Variants in RPTOR observed in about 807,000 individuals in gnomAD.
RPTOR encodes the protein regulatory associated protein of MTOR complex 1, also known as regulatory-associated protein of mTOR.
Under a neutral mutation model 169.9 loss-of-function variants are expected in RPTOR, and 21 were observed. The ratio of observed to expected loss-of-function variants is 0.12; its 90% CI spans 0.09 to 0.18. The LOEUF (loss-of-function observed/expected upper bound fraction) is 0.18. Among genes scored for constraint, RPTOR ranks in the 10% least tolerant of loss-of-function variants. The pLI is 1.00. For synonymous variants in RPTOR, 732 were observed against 753.2 expected (o/e 0.97, Z 0.46); for missense variants, 1,133 against 1,855.9 (o/e 0.61, Z 7.16).
chr17:80,607,925 G>A (rs2065240498), intron 1 of RPTOR, among the ~76,000 whole-genome samples: 1 of 152,184 alleles, frequency 6.6e-6, no homozygotes, highest in South Asian at 2.1e-4. Flanking sequence ...TATGGTTAGA[G>A]GAATTTTGTG....
intron 21 of RPTOR, among the ~76,000 whole-genome samples, chr17:80,919,563 C>A (rs772273861): frequency 2.0e-4 from 30 of 152,198 alleles, no homozygotes; most frequent in Non-Finnish European, 4.1e-4. Context: ...TTGGATCAGA[C>A]GCCCCCGTGT....
At position 80,708,579 on chromosome 17, in the gene RPTOR, GCTGA is replaced by G. The variant is rs2066159050; in HGVS notation, c.507+584_507+587del. 1.3e-5 allele frequency among the ~76,000 whole-genome samples: 2 copies of G among 150,868 alleles called. No homozygotes were observed. The highest frequency in any genetic ancestry group is 4.2e-4 in the South Asian group (2 of 4,808). On this transcript the variant is annotated intron_variant, in intron 4 of 33. Coordinates refer to ENST00000306801, the MANE Select transcript of RPTOR (RefSeq NM_020761.3). The surrounding 1 kb of genome is among the most constrained non-coding windows in gnomAD (Gnocchi z 4.2). ...CCCCATCCTCCAGGGTGTGGTGGGT[GCTGA>G]CTGTTGTCCCCACCCTCCAGGGTGT...
At chr17:80,832,919 A>G (rs2067521840) in intron 9 of RPTOR, among the ~76,000 whole-genome samples, 1 of 152,228 alleles carries the variant, frequency 6.6e-6, no homozygotes, top group Non-Finnish European at 1.5e-5. Context: ...ACAAACATTG[A>G]GGTTAAAACA....
At chr17:80,743,785 C>CTCT (rs2066515287) in intron 5 of RPTOR, among the ~76,000 whole-genome samples, 5 of 66,610 alleles carry the variant, frequency 7.5e-5, no homozygotes, top group Admixed American at 3.7e-4. Context: ...ACTAGCAGAG[C>CTCT]CCTGGCTACT....
intron 5 of RPTOR, among the ~76,000 whole-genome samples, chr17:80,733,263 A>G (rs1392553677): frequency 6.6e-6 from 1 of 152,212 alleles, no homozygotes. Context: ...TCACTCAGTA[A>G]TCCTTCTTAT....
At chr17:80,630,514 T>G (rs758054463) in intron 2 of RPTOR, among the ~76,000 whole-genome samples, 2 of 152,222 alleles carry the variant, frequency 1.3e-5, no homozygotes, top group African/African-American at 2.4e-5. Context: ...AGGCAGAAAT[T>G]TCTTCTTTCT....
At chr17:80,840,619 C>A (rs1421660966) in intron 10 of RPTOR, among the ~76,000 whole-genome samples, 1 of 54,420 alleles carries the variant, frequency 1.8e-5, no homozygotes. Flanking sequence ...CTCACCACAC[C>A]ACAGCTCACT....
chr17:80,638,880 C>CCT (rs1487149494), intron 2 of RPTOR, among the ~76,000 whole-genome samples: 1 of 152,164 alleles, frequency 6.6e-6, no homozygotes, highest in African/African-American at 2.4e-5. Flanking sequence ...AGGAGTGAGG[C>CCT]CTAGTGTTAG....
chr17:80,892,450 C>T (rs929278906), intron 18 of RPTOR, among the ~76,000 whole-genome samples: 1 of 152,220 alleles, frequency 6.6e-6, no homozygotes, highest in East Asian at 1.9e-4. Flanking sequence ...CCATGCACCT[C>T]GTGTGCACTC....
chr17:80,634,809 CTGTGTGTGTGCATACTG>C (rs2065491286), intron 2 of RPTOR, among the ~76,000 whole-genome samples: 1 of 136,756 alleles, frequency 7.3e-6, no homozygotes, highest in Admixed American at 7.4e-5. Context: ...TGTGTGCATA[CTGTGTGTGTGCATACTG>C]TGTGTGTGTG....
intron 3 of RPTOR, among the ~76,000 whole-genome samples, chr17:80,657,519 T>C (rs1266894875): frequency 1.3e-5 from 2 of 152,206 alleles, no homozygotes; most frequent in African/African-American, 4.8e-5. Flanking sequence ...TGTTTCTCAG[T>C]GTGAATATGT....
rs182212560 is a variant in RPTOR at position 80,857,389 on chromosome 17, C to T, written c.1399-401C>T. On this transcript the variant is annotated intron_variant, in intron 12 of 33. Coordinates refer to ENST00000306801, the MANE Select transcript of RPTOR (RefSeq NM_020761.3). ...TCACGGAGAGGTGGCCATGCCGTCA[C>T]GGAGAGGTGGCCGTGCCGTCACAGG... 3.9e-3 allele frequency among the ~76,000 whole-genome samples: 594 copies of T among 151,610 alleles called. 1 individual carries two copies. The highest frequency in any genetic ancestry group is 6.5e-3 in the Non-Finnish European group (438 of 67,658).
chr17:80,894,639 A>T (rs2068375467), intron 20 of RPTOR, among the ~76,000 whole-genome samples: 1 of 152,264 alleles, frequency 6.6e-6, no homozygotes, highest in African/African-American at 2.4e-5. Context: ...GGGCTTAACC[A>T]AATGAGCCTC....
intron 1 of RPTOR, among the ~76,000 whole-genome samples, chr17:80,615,241 C>G (rs964589839): frequency 5.3e-5 from 8 of 152,166 alleles, no homozygotes; most frequent in African/African-American, 1.7e-4. Flanking sequence ...TCCTAGAAGA[C>G]CTGCCACCGC....
At chr17:80,826,680 A>G (rs923054253) in intron 9 of RPTOR, among the ~76,000 whole-genome samples, 1 of 152,220 alleles carries the variant, frequency 6.6e-6, no homozygotes, top group African/African-American at 2.4e-5. Context: ...GTTGGGTTTG[A>G]CGGACATCAG....
At chr17:80,766,447 T>G (rs563881384) in intron 6 of RPTOR, among the ~76,000 whole-genome samples, 2 of 152,278 alleles carry the variant, frequency 1.3e-5, no homozygotes, top group East Asian at 1.9e-4. Context: ...ACTCCTGGGC[T>G]CAAGTGATCC....
At chr17:80,849,441 T>A (rs2067769518) in intron 11 of RPTOR, among the ~76,000 whole-genome samples, 1 of 152,202 alleles carries the variant, frequency 6.6e-6, no homozygotes, top group Admixed American at 6.5e-5. Flanking sequence ...CTCTGCCTTT[T>A]AAAAATATAA....
chr17:80,700,715 G>GTGGTGATGATGGTGGTGA (rs1567864630), intron 3 of RPTOR, among the ~76,000 whole-genome samples: 1 of 30,464 alleles, frequency 3.3e-5, no homozygotes, highest in African/African-American at 1.1e-4. Context: ...GGTGATGGTG[G>GTGGTGATGATGGTGGTGA]TGGTGGTGGT....
chr17:80,793,578 T>A (rs1270245386), intron 7 of RPTOR, among the ~76,000 whole-genome samples: 5 of 152,152 alleles, frequency 3.3e-5, no homozygotes, highest in Non-Finnish European at 1.5e-5. Context: ...TGGGACAGTG[T>A]CTCGTCTCCA....
Sources: gnomAD v4.1 joint callset for allele counts (sites outside exome capture counted in the v4.1 genomes callset) on GRCh38, gnomAD v4.1.1 for gene constraint, Gnocchi (gnomAD v3.1) non-coding constraint, MANE v1.5 for transcripts, NCBI Gene and HGNC (gene_info 2026-07-23, HGNC 2026-07-21) for gene names.